Variants in MMP20 observed in about 807,000 individuals in gnomAD.
The protein encoded by MMP20 is matrix metallopeptidase 20.
MMP20 carries 50 observed loss-of-function variants against 51.8 expected under a neutral mutation model. The observed-to-expected ratio is 0.97, with a 90% CI of 0.77 to 1.22. The LOEUF is 1.22. MMP20 is among the 50% of genes most tolerant of loss of function. The pLI, the probability that MMP20 is intolerant of heterozygous loss-of-function variation, is 0.00. For missense variants in MMP20, 663 were observed against 601.4 expected (o/e 1.10, Z -1.07); for synonymous variants, 244 against 216.2 (o/e 1.13, Z -1.13).
intron 1 of MMP20, among the ~76,000 whole-genome samples, chr11:102,622,169 G>C (rs917648371): frequency 6.6e-6 from 1 of 152,188 alleles, no homozygotes; most frequent in South Asian, 2.1e-4. Context: ...ATCTTTTCAA[G>C]TGTAGATTTT....
At chr11:102,599,160 G>A (rs529237971) in intron 6 of MMP20, among the ~76,000 whole-genome samples, 3 of 152,060 alleles carry the variant, frequency 2.0e-5, no homozygotes, top group East Asian at 1.9e-4. Flanking sequence ...CTACAAGCAC[G>A]TGTCACCACA....
chr11:102,612,175 A>C (rs1031592513), intron 2 of MMP20, among the ~76,000 whole-genome samples: 1 of 152,178 alleles, frequency 6.6e-6, no homozygotes, highest in African/African-American at 2.4e-5. Context: ...TAAAAGAATA[A>C]AATTTGTGGC....
At chr11:102,603,992 A>G (rs1196010216) in intron 6 of MMP20, among the ~76,000 whole-genome samples, 2 of 151,110 alleles carry the variant, frequency 1.3e-5, no homozygotes, top group Non-Finnish European at 2.9e-5. Context: ...AGTAATTGCT[A>G]AATGCTCACA....
At chr11:102,624,192 T>C (rs1859787063) in intron 1 of MMP20, among the ~76,000 whole-genome samples, 1 of 152,146 alleles carries the variant, frequency 6.6e-6, no homozygotes, top group Non-Finnish European at 1.5e-5. Flanking sequence ...GGTACACAGG[T>C]GCAGCCTGGC....
chr11:102,606,509 G>C (rs1802351562), intron 6 of MMP20, 26 bp downstream of exon 6: 1 of 1,613,426 alleles, frequency 6.2e-7, no homozygotes, highest in Non-Finnish European at 8.5e-7. Context: ...GGCCCAATGA[G>C]AGTCGGTGGC....
chr11:102,588,986 T>G (rs568916336), intron 8 of MMP20, among the ~76,000 whole-genome samples: 15 of 152,246 alleles, frequency 9.9e-5, no homozygotes, highest in South Asian at 4.1e-4. Context: ...GCTAGGGGAG[T>G]GTTATTTTTA....
At chr11:102,608,391 A>T (rs1784420) in intron 5 of MMP20, among the ~76,000 whole-genome samples, 40,803 of 152,014 alleles carry the variant, frequency 0.27, 5,737 homozygotes, top group Middle Eastern at 0.37. Context: ...TTATCTTAGG[A>T]TATCTTAGGA....
chr11:102,610,142 T>C (rs1371720597), intron 3 of MMP20, 112 bp from the exon 4 acceptor site: 3 of 1,190,634 alleles, frequency 2.5e-6, no homozygotes, highest in Admixed American at 3.9e-5. Context: ...TTAAATTCAC[T>C]TTTCAGTATT....
At position 102,625,269 on chromosome 11, in the gene MMP20, C is replaced by T. The variant is rs756406229; in HGVS notation, c.51G>A (p.Leu17=). Residue 17 remains leucine (L), a synonymous_variant, in exon 1 of 10, where the codon TTG becomes TTA. Coordinates refer to ENST00000260228, the MANE Select transcript of MMP20 (RefSeq NM_004771.4). ...SGLAVFLIMA[L]KFSTAAPSLV... ...GGGAGGGGGCTGCAGTGGAAAACTT[C>T]AAAGCCATGATGAGGAAGACAGCAA... The T allele has an allele frequency of 3.1e-6, 5 of 1,613,816 alleles. No homozygotes were observed. In the South Asian group the frequency reaches 3.3e-5, roughly 11 times the overall value.
chr11:102,601,789 G>T (rs1591615785), intron 6 of MMP20, among the ~76,000 whole-genome samples: 1 of 152,172 alleles, frequency 6.6e-6, no homozygotes, highest in East Asian at 1.9e-4. Flanking sequence ...TCAGCCATGA[G>T]GCTTCTACCT....
At position 102,594,707 on chromosome 11, in the gene MMP20, G is replaced by A; in HGVS notation, c.1004C>T (p.Thr335Ile). 6.2e-7 allele frequency: 1 copy of A among 1,608,946 alleles called. No homozygotes were observed. The highest frequency in any genetic ancestry group is 8.5e-7 in the Non-Finnish European group (1 of 1,179,108). The change falls in exon 7 of 10, where the codon ACT (threonine) becomes ATT (isoleucine). Residue 335 changes from threonine (T) to isoleucine (I), a missense_variant. Thr to Ile is a moderately conservative substitution (Grantham distance 89). Coordinates refer to ENST00000260228, the MANE Select transcript of MMP20 (RefSeq NM_004771.4). ...VHLRTGIRPS[T>I]ITSSFPQLMS... Reference sequence around the variant, plus strand: ...GAGCTGGGGGAAGGAGCTGGTAATAGTGCTGGGCCGAATTCCTGTCCGCAA... The same window carrying A: ...GAGCTGGGGGAAGGAGCTGGTAATAATGCTGGGCCGAATTCCTGTCCGCAA...
intron 2 of MMP20, among the ~76,000 whole-genome samples, chr11:102,612,422 G>A (rs538992484): frequency 1.3e-5 from 2 of 152,272 alleles, no homozygotes; most frequent in African/African-American, 4.8e-5. Flanking sequence ...CCAAGATCGG[G>A]CGACTGCACT....
intron 6 of MMP20, among the ~76,000 whole-genome samples, chr11:102,604,908 GCT>G (rs1435540331): frequency 6.6e-6 from 1 of 152,086 alleles, no homozygotes; most frequent in African/African-American, 2.4e-5. Flanking sequence ...ACAATATCTA[GCT>G]CTCTATCCAG....
At chr11:102,582,741 G>C (rs1859211468) in intron 8 of MMP20, among the ~76,000 whole-genome samples, 1 of 151,992 alleles carries the variant, frequency 6.6e-6, no homozygotes, top group Admixed American at 6.6e-5. Context: ...AAGAATGTCA[G>C]GACACAAAAT....
chr11:102,606,630 G>C lies in MMP20; in HGVS notation c.858C>G (p.Pro286=), dbSNP rs754609325. 6.2e-7 allele frequency: 1 copy of C among 1,613,858 alleles called. No homozygotes were observed. Among genetic ancestry groups the C allele is most frequent in the Non-Finnish European group, 8.5e-7 (1 of 1,179,880 alleles). Residue 286 remains proline (P), a synonymous_variant, in exon 6 of 10, where the codon CCC becomes CCG. Coordinates refer to ENST00000260228, the MANE Select transcript of MMP20 (RefSeq NM_004771.4). ...FLGKPTLPHA[P]HHKPSIPDLC... ...GGTCAGGGATGGATGGCTTGTGATG[G>C]GGGGCATGGGGCAGAGTGGGCTTCC...
chr11:102,611,773 T>C lies in MMP20; in HGVS notation c.505A>G (p.Ile169Val). 6.2e-7 allele frequency: 1 copy of C among 1,614,134 alleles called. No homozygotes were observed. Among genetic ancestry groups the C allele is most frequent in the Non-Finnish European group, 8.5e-7 (1 of 1,180,022 alleles). ...RINSGEADIM[I>V]SFENGDHGDS... ...ACAATACCTCCATTTTCAAAAGATA[T>C]CATAATATCCGCTTCTCCTGAGTTT... Residue 169 changes from isoleucine to valine, a missense_variant, in exon 3 of 10, where the codon ATA becomes GTA. By Grantham distance (29) the Ile-to-Val change is conservative (BLOSUM62 3). Transcript: ENST00000260228.
intron 6 of MMP20, among the ~76,000 whole-genome samples, chr11:102,598,946 A>G (rs537310429): frequency 1.3e-5 from 2 of 149,280 alleles, no homozygotes; most frequent in Non-Finnish European, 3.0e-5. Context: ...TTAGTCTCAC[A>G]CTCTCTTAGA....
At chr11:102,585,171 T>C (rs1184821998) in intron 8 of MMP20, among the ~76,000 whole-genome samples, 1 of 152,142 alleles carries the variant, frequency 6.6e-6, no homozygotes, top group African/African-American at 2.4e-5. Context: ...CTGAAAGAGA[T>C]TGTGTTGAAT....
intron 8 of MMP20, among the ~76,000 whole-genome samples, chr11:102,588,141 G>T (rs925580751): frequency 3.3e-5 from 5 of 151,818 alleles, no homozygotes; most frequent in Non-Finnish European, 5.9e-5. Context: ...TTGATGTAGG[G>T]CTTGCCATAT....
Sources: gnomAD v4.1 joint callset for allele counts (sites outside exome capture counted in the v4.1 genomes callset) on GRCh38, gnomAD v4.1.1 for gene constraint, MANE v1.5 for transcripts, NCBI Gene and HGNC (gene_info 2026-07-23, HGNC 2026-07-21) for gene names.